Variants in GRXCR1 observed in about 807,000 individuals in gnomAD.
GRXCR1 encodes glutaredoxin and cysteine rich domain containing 1.
GRXCR1 carries 27 observed loss-of-function variants against 27.3 expected under a neutral mutation model. That is an observed-to-expected ratio of 0.99 (90% CI 0.73 to 1.37). GRXCR1 has a LOEUF of 1.37. Among genes scored for constraint, GRXCR1 ranks in the 40% most tolerant of loss-of-function variants. GRXCR1 has a pLI of 0.00. For synonymous variants in GRXCR1, 122 were observed against 131.1 expected, an observed-to-expected ratio of 0.93 and a Z score of 0.47; for missense variants, 379 against 354.4, an observed-to-expected ratio of 1.07 and a Z score of -0.56.
chr4:42,990,352 C>G (rs983419853), intron 2 of GRXCR1, among the ~76,000 whole-genome samples: 1 of 150,434 alleles, frequency 6.6e-6, no homozygotes, highest in African/African-American at 2.4e-5. Flanking sequence ...CCACTACGCC[C>G]GGCTAATTTT....
chr4:42,945,697 A>C (rs1019762334), intron 1 of GRXCR1, among the ~76,000 whole-genome samples: 8 of 152,096 alleles, frequency 5.3e-5, no homozygotes, highest in African/African-American at 1.9e-4. Flanking sequence ...AGATGATGTG[A>C]AGGGCACAGG....
intron 1 of GRXCR1, among the ~76,000 whole-genome samples, chr4:42,942,216 T>C (rs968931347): frequency 2.6e-5 from 4 of 152,052 alleles, no homozygotes; most frequent in Non-Finnish European, 2.9e-5. Context: ...ACTCCAGATA[T>C]GGTAAACTGG....
chr4:42,976,130 A>G (rs1373662805), intron 2 of GRXCR1, among the ~76,000 whole-genome samples: 2 of 152,054 alleles, frequency 1.3e-5, no homozygotes, highest in African/African-American at 4.8e-5. Context: ...TAGCAGGTCC[A>G]TTGTTTAATG....
At chr4:42,933,633 G>T (rs943670417) in intron 1 of GRXCR1, among the ~76,000 whole-genome samples, 4 of 151,898 alleles carry the variant, frequency 2.6e-5, no homozygotes, top group African/African-American at 9.7e-5. Context: ...TAGGTCATGA[G>T]CATGGAGCCC....
Position 42,945,550 on chromosome 4 carries a change from C to T in GRXCR1, c.385-17342C>T, listed in dbSNP as rs192747151. ...AGCTTTGAAAATAGAGAGAAAGATG[C>T]TTTCTCCCTCCCAGTTCTGGCTGAA... On this transcript the variant is annotated intron_variant, in intron 1 of 3. Transcript: ENST00000399770. Among the ~76,000 whole-genome samples, 438 of 152,220 alleles carry T rather than the reference C, an allele frequency of 2.9e-3. 5 individuals are homozygous for T. Among genetic ancestry groups the T allele is most frequent in the African/African-American group, 9.9e-3 (411 of 41,544 alleles).
Position 43,030,488 on chromosome 4 carries a change from G to A in GRXCR1, c.821G>A (p.Cys274Tyr). 3 of 1,614,106 alleles carry A rather than the reference G, an allele frequency of 1.9e-6. No homozygotes were observed. Among genetic ancestry groups the A allele is most frequent in the Non-Finnish European group, 2.5e-6 (3 of 1,179,976 alleles). Residue 274 changes from cysteine (C) to tyrosine (Y), a missense_variant, in exon 4 of 4, where the codon TGT (cysteine) becomes TAT (tyrosine). Transcript: ENST00000399770. ...CFTDSFKALK[C>Y]TACNENGLQR... ...ACAGACTCTTTCAAAGCCCTGAAGT[G>A]TACGGCTTGCAATGAAAATGGTCTT...
rs191749722 is a variant in GRXCR1, at chr4:43,015,738, T to C, written c.628-4616T>C. ...AAGCTACTTTCTTAGTAAGATGAGGTGGTTTATGACTAAATATAAATTAAA... is the reference window on the plus strand; with the variant it reads ...AAGCTACTTTCTTAGTAAGATGAGGCGGTTTATGACTAAATATAAATTAAA... On this transcript the variant is annotated intron_variant, in intron 2 of 3. Transcript: ENST00000399770. Among the ~76,000 whole-genome samples, 420 of 151,618 alleles carry C rather than the reference T, an allele frequency of 2.8e-3. 2 individuals carry two copies. The highest frequency in any genetic ancestry group is 3.5e-3 in the Non-Finnish European group (239 of 67,864).
At chr4:42,960,272 C>G (rs866695403) in intron 1 of GRXCR1, among the ~76,000 whole-genome samples, 9 of 151,998 alleles carry the variant, frequency 5.9e-5, no homozygotes, top group Middle Eastern at 3.4e-3. Context: ...TGGTAGAAAA[C>G]TAATGCAGTA....
chr4:42,982,024 G>T (rs1239960437), intron 2 of GRXCR1, among the ~76,000 whole-genome samples: 2 of 150,754 alleles, frequency 1.3e-5, no homozygotes, highest in African/African-American at 4.9e-5. Context: ...CTTTAAAGAG[G>T]CTTTCCACCC....
chr4:42,967,539 A>C (rs1748276609), intron 2 of GRXCR1, among the ~76,000 whole-genome samples: 3 of 152,128 alleles, frequency 2.0e-5, no homozygotes, highest in Admixed American at 2.0e-4. Context: ...CAACCGTTTC[A>C]ACCTACTTAT....
At chr4:42,920,900 T>A (rs142914560) in intron 1 of GRXCR1, among the ~76,000 whole-genome samples, 1 of 147,338 alleles carries the variant, frequency 6.8e-6, no homozygotes, top group Non-Finnish European at 1.5e-5. Flanking sequence ...CCCAGTCTAC[T>A]TTGCTATGCG....
chr4:43,010,482 C>T (rs1010159520), intron 2 of GRXCR1, among the ~76,000 whole-genome samples: 12 of 151,744 alleles, frequency 7.9e-5, no homozygotes, highest in African/African-American at 2.7e-4. Flanking sequence ...GGCTTTATCA[C>T]ATGGCTATAC....
At chr4:42,968,714 T>C (rs922504880) in intron 2 of GRXCR1, among the ~76,000 whole-genome samples, 3 of 151,986 alleles carry the variant, frequency 2.0e-5, no homozygotes, top group Admixed American at 6.6e-5. Flanking sequence ...AGAAATGGAA[T>C]AAAAAAGAAA....
At chr4:42,916,518 A>G (rs1455033078) in intron 1 of GRXCR1, among the ~76,000 whole-genome samples, 1 of 152,180 alleles carries the variant, frequency 6.6e-6, no homozygotes, top group Non-Finnish European at 1.5e-5. Flanking sequence ...TTGATACAAT[A>G]TCTTTTAATT....
chr4:42,922,746 C>G lies in GRXCR1; in HGVS notation c.384+29096C>G, dbSNP rs143114978. ...ATGGGAAATATATTCCCCTTGCTGT[C>G]TTTTGTTATCAGTCATAACCTCCAT... On this transcript the variant is annotated intron_variant, in intron 1 of 3. Coordinates refer to ENST00000399770, the MANE Select transcript of GRXCR1 (RefSeq NM_001080476.3). 4.5e-4 allele frequency among the ~76,000 whole-genome samples: 68 copies of G among 152,120 alleles called. 1 individual carries two copies. Among genetic ancestry groups the G allele is most frequent in the African/African-American group, 1.5e-3 (62 of 41,532 alleles).
rs1410625581 is a variant in GRXCR1 at position 42,981,230 on chromosome 4, T to C, written c.627+18096T>C. 2.9e-4 allele frequency among the ~76,000 whole-genome samples: 44 copies of C among 151,966 alleles called. 1 individual carries two copies. The highest frequency in any genetic ancestry group is 2.8e-3 in the Admixed American group (43 of 15,230). ...TATGTCTCTACTATGCTATGCTTTGTAGTTATCATGAGACTTATAAAAAAC... is the reference window on the plus strand; with the variant it reads ...TATGTCTCTACTATGCTATGCTTTGCAGTTATCATGAGACTTATAAAAAAC... On this transcript the variant is annotated intron_variant, in intron 2 of 3. Transcript: ENST00000399770.
chr4:42,980,443 A>AT (rs1356432927), intron 2 of GRXCR1, among the ~76,000 whole-genome samples: 1 of 151,336 alleles, frequency 6.6e-6, no homozygotes, highest in Non-Finnish European at 1.5e-5. Flanking sequence ...GTTTTTGTAA[A>AT]TTTTTTGAAG....
At chr4:42,912,896 A>G (rs1665476303) in intron 1 of GRXCR1, among the ~76,000 whole-genome samples, 1 of 152,030 alleles carries the variant, frequency 6.6e-6, no homozygotes. Context: ...TTTCCCCTCT[A>G]GTGTCTCATG....
intron 1 of GRXCR1, among the ~76,000 whole-genome samples, chr4:42,896,466 CGTTGTAG>C (rs1357357594): frequency 6.6e-6 from 1 of 151,824 alleles, no homozygotes; most frequent in African/African-American, 2.4e-5. Context: ...CTCAGGTGGG[CGTTGTAG>C]AGAGTGGTTA....
Sources: allele counts gnomAD v4.1 joint callset (sites outside exome capture counted in the v4.1 genomes callset), GRCh38; gene constraint gnomAD v4.1.1; transcripts MANE v1.5; gene names NCBI Gene and HGNC (gene_info 2026-07-23, HGNC 2026-07-21).